Variants in RNF13 observed in about 807,000 individuals in gnomAD.
RNF13 encodes the protein ring finger protein 13.
In RNF13, 19 loss-of-function variants were observed where a neutral mutation model predicts 37.7. That is an observed-to-expected ratio of 0.50 (90% CI 0.35 to 0.74). The LOEUF is 0.74. Ranked by LOEUF, RNF13 falls within the 30% of genes least tolerant of loss-of-function variation. RNF13 has a pLI of 0.01. For synonymous variants in RNF13, 144 were observed against 157.8 expected (o/e 0.91, Z 0.65); for missense variants, 375 against 453.0 (o/e 0.83, Z 1.56).
intron 9 of RNF13, 85 bp downstream of exon 9, chr3:149,960,221 G>A (rs1177194550): frequency 2.2e-6 from 2 of 915,196 alleles, no homozygotes; most frequent in Admixed American, 3.6e-5. Context: ...ATGGAAAATA[G>A]TTATTAGCAC....
chr3:149,883,522 A>G (rs1467541630), intron 4 of RNF13, among the ~76,000 whole-genome samples: 2 of 152,020 alleles, frequency 1.3e-5, no homozygotes, highest in African/African-American at 4.8e-5. Context: ...ATGTCTTTAT[A>G]TTACATGTAA....
chr3:149,911,650 C>A (rs1717006460), intron 6 of RNF13, among the ~76,000 whole-genome samples: 1 of 151,092 alleles, frequency 6.6e-6, no homozygotes, highest in South Asian at 2.1e-4. Flanking sequence ...CAGAACAAGG[C>A]TCCATCTCAA....
At chr3:149,955,040 A>C (rs1479614450) in intron 8 of RNF13, among the ~76,000 whole-genome samples, 3 of 152,166 alleles carry the variant, frequency 2.0e-5, no homozygotes, top group African/African-American at 7.2e-5. Flanking sequence ...CCCTTGCCCC[A>C]TTAGTATGTT....
intron 4 of RNF13, among the ~76,000 whole-genome samples, chr3:149,889,653 ATTT>A (rs945001092): frequency 7.9e-6 from 1 of 126,252 alleles, no homozygotes. Context: ...AAATCTGACA[ATTT>A]TTTTTTTTTT....
At chr3:149,851,950 T>A (rs1005613204) in intron 2 of RNF13, among the ~76,000 whole-genome samples, 1 of 152,170 alleles carries the variant, frequency 6.6e-6, no homozygotes, top group Non-Finnish European at 1.5e-5. Flanking sequence ...AGGGGGAAAA[T>A]TGTTAAAGAG....
chr3:149,849,880 A>C (rs1034416300), intron 2 of RNF13, among the ~76,000 whole-genome samples: 4 of 152,188 alleles, frequency 2.6e-5, no homozygotes, highest in Non-Finnish European at 5.9e-5. Flanking sequence ...CAAGAAAAAT[A>C]ATTGGTTAAG....
chr3:149,842,683 A>G (rs1239652886), intron 1 of RNF13, among the ~76,000 whole-genome samples: 1 of 152,262 alleles, frequency 6.6e-6, no homozygotes, highest in African/African-American at 2.4e-5. Flanking sequence ...CTAAAAAGAA[A>G]AATTCCAACA....
chr3:149,826,488 T>G (rs1297969401), intron 1 of RNF13, among the ~76,000 whole-genome samples: 1 of 152,216 alleles, frequency 6.6e-6, no homozygotes, highest in African/African-American at 2.4e-5. Context: ...ACTTGTGAAT[T>G]AAAAGACTTG....
At chr3:149,908,833 A>AC (rs1413843906) in intron 6 of RNF13, among the ~76,000 whole-genome samples, 1 of 152,126 alleles carries the variant, frequency 6.6e-6, no homozygotes, top group African/African-American at 2.4e-5. Flanking sequence ...GGGAAATTAG[A>AC]CAGGTTATTA....
chr3:149,814,883 G>A (rs1301295082), intron 1 of RNF13, among the ~76,000 whole-genome samples: 1 of 151,486 alleles, frequency 6.6e-6, no homozygotes, highest in Non-Finnish European at 1.5e-5. Context: ...AACTGTTGGA[G>A]AGAGGCACAG....
At chr3:149,846,650 G>A (rs1722667617) in intron 2 of RNF13, among the ~76,000 whole-genome samples, 1 of 152,154 alleles carries the variant, frequency 6.6e-6, no homozygotes, top group Non-Finnish European at 1.5e-5. Flanking sequence ...AAGATCTCAT[G>A]AACAATCAGT....
intron 8 of RNF13, chr3:149,939,705 A>G: frequency 1.2e-6 from 1 of 808,288 alleles, no homozygotes; most frequent in Non-Finnish European, 2.0e-6. Context: ...TATTCACCTT[A>G]AAGTGATAAT....
intron 1 of RNF13, among the ~76,000 whole-genome samples, chr3:149,835,044 A>G (rs1221543522): frequency 1.3e-5 from 2 of 152,208 alleles, no homozygotes; most frequent in South Asian, 4.1e-4. Context: ...AGATCTAAAC[A>G]TAAGAGCTAC....
intron 4 of RNF13, among the ~76,000 whole-genome samples, chr3:149,889,292 C>CGT (rs376618726): frequency 0.052 from 7,146 of 138,134 alleles, 204 homozygotes; most frequent in African/African-American, 0.073. Context: ...TTTGAGTGTG[C>CGT]GTGTGTGTGT....
intron 7 of RNF13, among the ~76,000 whole-genome samples, chr3:149,915,488 C>T (rs1576531912): frequency 6.6e-6 from 1 of 152,076 alleles, no homozygotes; most frequent in African/African-American, 2.4e-5. Flanking sequence ...TCTGGTAATT[C>T]CACTTCTGGG....
chr3:149,909,883 A>G (rs1045954626), intron 6 of RNF13, among the ~76,000 whole-genome samples: 1 of 151,860 alleles, frequency 6.6e-6, no homozygotes, highest in Non-Finnish European at 1.5e-5. Context: ...GGCTTGTCTC[A>G]TAGGACAGGA....
At chr3:149,940,441 T>C (rs1042749185) in intron 8 of RNF13, among the ~76,000 whole-genome samples, 1 of 152,186 alleles carries the variant, frequency 6.6e-6, no homozygotes, top group African/African-American at 2.4e-5. Flanking sequence ...CTGCTATTTG[T>C]TTGTTCACAA....
chr3:149,861,974 G>T (rs1724302952), intron 3 of RNF13, among the ~76,000 whole-genome samples: 1 of 152,038 alleles, frequency 6.6e-6, no homozygotes, highest in Non-Finnish European at 1.5e-5. Context: ...TACAATTAAA[G>T]ATTATAATGG....
chr3:149,946,591 T>G (rs916183070), intron 8 of RNF13, among the ~76,000 whole-genome samples: 1 of 152,238 alleles, frequency 6.6e-6, no homozygotes, highest in Non-Finnish European at 1.5e-5. Context: ...TTCTAGATTA[T>G]CTGGTTTGGT....
Sources: allele counts gnomAD v4.1 joint callset (sites outside exome capture counted in the v4.1 genomes callset), GRCh38; gene constraint gnomAD v4.1.1; transcripts MANE v1.5; gene names NCBI Gene and HGNC (gene_info 2026-07-23, HGNC 2026-07-21).